The following PICALM variants were observed in gnomAD, a reference collection of about 807,000 sequenced individuals.
The protein encoded by PICALM is phosphatidylinositol-binding clathrin assembly protein.
In PICALM, 40 loss-of-function variants were observed where a neutral mutation model predicts 80.5. That is an observed-to-expected ratio of 0.50 (90% confidence interval 0.39 to 0.65). PICALM has a LOEUF of 0.65. PICALM is among the 30% of genes least tolerant of loss of function. The pLI is 0.00. For missense variants in PICALM, 676 were observed against 778.9 expected (o/e 0.87, Z 1.57); for synonymous variants, 288 against 260.3 (o/e 1.11, Z -1.02).
chr11:85,994,808 A>C (rs569115208), intron 12 of PICALM, among the ~76,000 whole-genome samples: 41 of 152,302 alleles, frequency 2.7e-4, no homozygotes, highest in South Asian at 2.3e-3. Context: ...GGTTCAAGTG[A>C]TTCTCATGCC....
intron 12 of PICALM, among the ~76,000 whole-genome samples, chr11:85,993,681 C>T (rs987335796): frequency 3.3e-5 from 5 of 152,000 alleles, no homozygotes; most frequent in Admixed American, 6.6e-5. Flanking sequence ...TCAAATGATC[C>T]ACCCACCTCA....
chr11:86,067,116 A>C (rs541678089), intron 1 of PICALM, among the ~76,000 whole-genome samples: 2 of 152,332 alleles, frequency 1.3e-5, no homozygotes, highest in Admixed American at 6.5e-5. Context: ...CTGTGTAGCA[A>C]AAACTTGTTC....
At position 86,012,476 on chromosome 11, in the gene PICALM, A is replaced by G. The variant is rs1280390508; in HGVS notation, c.547-84T>C. On this transcript the variant is annotated intron_variant, in intron 5 of 19. Transcript: ENST00000393346. ...AAAGATTTCCTTCAAATTAAGATACAGTAAATTCATGCATTAGGCATGTTA... is the reference window on the plus strand; with the variant it reads ...AAAGATTTCCTTCAAATTAAGATACGGTAAATTCATGCATTAGGCATGTTA... The G allele has an allele frequency of 1.0e-5, 8 of 771,004 alleles. No homozygotes were observed. The Admixed American group carries it at 1.2e-4, about 12-fold the overall frequency. 47.8% of individuals were successfully genotyped at this position (771,004 alleles called of 1,614,324 possible).
intron 4 of PICALM, among the ~76,000 whole-genome samples, chr11:86,020,888 T>C (rs2095552134): frequency 1.3e-5 from 2 of 152,122 alleles, no homozygotes. Context: ...TACACTTAAT[T>C]AATTAAAAAT....
At chr11:86,065,467 T>C (rs1401676980) in intron 1 of PICALM, among the ~76,000 whole-genome samples, 1 of 152,144 alleles carries the variant, frequency 6.6e-6, no homozygotes. Flanking sequence ...TTGTTTTTTC[T>C]ATCCTGCAAT....
intron 9 of PICALM, among the ~76,000 whole-genome samples, chr11:86,003,013 G>T (rs570865494): frequency 6.6e-6 from 1 of 150,628 alleles, no homozygotes; most frequent in Non-Finnish European, 1.5e-5. Context: ...CTCTGCCTCG[G>T]GGGAAGAAAA....
chr11:86,035,947 C>CAA (rs543040504), intron 1 of PICALM, among the ~76,000 whole-genome samples: 15,507 of 66,170 alleles, frequency 0.23, 1,324 homozygotes, highest in Non-Finnish European at 0.29. Context: ...GACTCTGCCT[C>CAA]AAAAAAAAAA....
At chr11:86,023,813 T>C (rs1474281086) in intron 3 of PICALM, among the ~76,000 whole-genome samples, 16 of 152,106 alleles carry the variant, frequency 1.1e-4, no homozygotes, top group African/African-American at 3.9e-4. Context: ...ATCTATAATA[T>C]ATATCTGGCT....
At position 86,069,031 on chromosome 11, in the gene PICALM, G is replaced by T. The variant is rs3016326; in HGVS notation, c.-251C>A. ...GCCTCAGTTCAGCCCACCCCTTCCC[G>T]GGTCAGCTGGAGCCGGGCAGGGTAA... On this transcript the variant is annotated 5_prime_UTR_variant, in exon 1 of 20. Coordinates refer to ENST00000393346, the MANE Select transcript of PICALM (RefSeq NM_007166.4). The T allele has an allele frequency of 1, 451,449 of 453,618 alleles. 224,742 individuals carry two copies. The highest frequency in any genetic ancestry group is 1 in the Middle Eastern group (1,716 of 1,716). The allele number at this position is 453,618 out of a possible 1,614,324, so 28.1% of individuals were successfully genotyped here.
intron 16 of PICALM, among the ~76,000 whole-genome samples, 184 bp downstream of exon 16, chr11:85,981,561 T>C (rs1332322076): frequency 6.6e-6 from 1 of 150,976 alleles, no homozygotes; most frequent in Non-Finnish European, 1.5e-5. Context: ...GGGCCGAGAT[T>C]GCGCCACTGT....
chr11:85,995,562 A>AT (rs2094932616), intron 12 of PICALM, among the ~76,000 whole-genome samples: 1 of 152,178 alleles, frequency 6.6e-6, no homozygotes, highest in South Asian at 2.1e-4. Context: ...CTTCTTTGAA[A>AT]TGTTTAATAT....
intron 1 of PICALM, among the ~76,000 whole-genome samples, chr11:86,043,052 G>C (rs143613314): frequency 6.6e-6 from 1 of 152,074 alleles, no homozygotes; most frequent in Non-Finnish European, 1.5e-5. Context: ...CTGTTGTCCA[G>C]GGTCCCATTC....
At chr11:86,008,379 TGGGAGGCTGA>T (rs1205007803) in intron 7 of PICALM, among the ~76,000 whole-genome samples, 1 of 152,074 alleles carries the variant, frequency 6.6e-6, no homozygotes, top group African/African-American at 2.4e-5. Flanking sequence ...CCCAGCACTT[TGGGAGGCTGA>T]GGTGGGCGGA....
At position 85,976,679 on chromosome 11, in the gene PICALM, G is replaced by T. The variant is rs561937456; in HGVS notation, c.1783C>A (p.Pro595Thr). 3 of 1,585,324 alleles carry T rather than the reference G, an allele frequency of 1.9e-6. No homozygotes were observed. The highest frequency in any genetic ancestry group is 4.5e-5 in the East Asian group (2 of 44,664). The change falls in exon 18 of 20, where the codon CCC becomes ACC. Residue 595 changes from proline to threonine, a missense_variant. Physicochemically the swap from Pro to Thr is conservative, Grantham distance 38 (BLOSUM62 -1). Around this residue, in one of 2 missense-constraint regions of PICALM, gnomAD observed 391 missense variants for 383.6 expected, o/e 1.02. Transcript: ENST00000393346. ...GTAGCAGGATAGGCCATTACAGGGG[G>T]TGCCTAACATAGTGAAAGGAAAAAT... is the stretch of plus-strand genomic sequence containing the variant. ...TTAWNAATMA[P>T]PVMAYPATTP... is the part of the protein sequence containing the mutation.
At chr11:86,007,485 A>T in intron 8 of PICALM, 57 bp downstream of exon 8, 1 of 963,094 alleles carries the variant, frequency 1.0e-6, no homozygotes, top group Middle Eastern at 2.1e-4. Flanking sequence ...TTATCTTAAT[A>T]CTCTTCACAA....
chr11:86,001,438 A>C (rs1189127994), intron 9 of PICALM, among the ~76,000 whole-genome samples: 2 of 152,206 alleles, frequency 1.3e-5, no homozygotes, highest in Non-Finnish European at 1.5e-5. Flanking sequence ...GCCTCTTCCA[A>C]GCCCCAAGAG....
intron 1 of PICALM, among the ~76,000 whole-genome samples, chr11:86,062,874 C>A (rs2096389663): frequency 6.6e-6 from 1 of 152,156 alleles, no homozygotes; most frequent in Admixed American, 6.5e-5. Context: ...AGACAGAACA[C>A]AAAGTAACGG....
chr11:86,038,624 T>C (rs1415694877), intron 1 of PICALM, among the ~76,000 whole-genome samples: 2 of 150,162 alleles, frequency 1.3e-5, no homozygotes, highest in African/African-American at 2.5e-5. Flanking sequence ...CTACTAAAAA[T>C]ACAAAAATTA....
intron 19 of PICALM, among the ~76,000 whole-genome samples, chr11:85,974,260 C>T (rs1022436010): frequency 2.6e-5 from 4 of 151,944 alleles, no homozygotes; most frequent in African/African-American, 4.8e-5. Flanking sequence ...AGTTATCTAA[C>T]GAAAAAATAA....
Sources: allele counts gnomAD v4.1 joint callset (sites outside exome capture counted in the v4.1 genomes callset), GRCh38; gene constraint gnomAD v4.1.1; regional missense constraint gnomAD v4.1.1; transcripts MANE v1.5; gene names NCBI Gene and HGNC (gene_info 2026-07-23, HGNC 2026-07-21).